Variants in FGF13 observed in about 807,000 individuals in gnomAD.
FGF13 encodes the protein fibroblast growth factor homologous factor 2.
Under a neutral mutation model 19.5 loss-of-function variants are expected in FGF13, and 2 were observed. The ratio of observed to expected loss-of-function variants is 0.10; its 90% CI spans 0.04 to 0.32. The LOEUF is 0.32. Ranked by LOEUF, FGF13 falls within the 10% of genes least tolerant of loss-of-function variation. FGF13 has a pLI of 1.00. For synonymous variants in FGF13, 72 were observed against 76.9 expected (o/e 0.94, Z 0.33); for missense variants, 113 against 192.7 (o/e 0.59, Z 2.45).
At chrX:138,727,346 G>A (rs1019085982) in intron 1 of FGF13, among the ~76,000 whole-genome samples, 6 of 109,982 alleles carry the variant, frequency 5.5e-5, no homozygotes, top group Admixed American at 9.7e-5. Context: ...GGCCCCCCAG[G>A]CACTGGGGAG....
chrX:138,900,898 G>A (rs1258367144), intron 1 of FGF13, among the ~76,000 whole-genome samples: 1 of 111,427 alleles, frequency 9.0e-6, no homozygotes, highest in Non-Finnish European at 1.9e-5. Flanking sequence ...TCTGCCCTTG[G>A]CCTGGATCAC....
Position 138,892,000 on chromosome X carries a change from A to ATGTGTGTG in FGF13, c.-112-27351_-112-27350insCACACACA, listed in dbSNP as rs200883636. Among the ~76,000 whole-genome samples, 127 of 46,946 alleles carry ATGTGTGTG rather than the reference A, an allele frequency of 2.7e-3. 1 individual carries two copies. Among genetic ancestry groups the ATGTGTGTG allele is most frequent in the African/African-American group, 9.2e-3 (126 of 13,675 alleles). The allele number at this position is 46,946 out of a possible 115,157, so 40.8% of individuals were successfully genotyped here. On this transcript the variant is annotated intron_variant, in intron 1 of 2. Coordinates refer to the FGF13 transcript ENST00000421460. ...TCTCTGTCTCTCTCTCTATATATACATATGTGTGTGTGTGTGTGTGTGTGT... is the reference window on the plus strand; with the variant it reads ...TCTCTGTCTCTCTCTCTATATATACATGTGTGTGTATGTGTGTGTGTGTGTGTGTGTGT...
Position 138,652,751 on chromosome X carries a change from G to T in FGF13, c.403-17096C>A, listed in dbSNP as rs183387817. Among the ~76,000 whole-genome samples, 5 of 111,816 alleles carry T rather than the reference G, an allele frequency of 4.5e-5. No individual in the cohort carries two copies. In the East Asian group the frequency reaches 1.1e-3, roughly 25 times the overall value. On this transcript the variant is annotated intron_variant, in intron 3 of 4. Coordinates refer to ENST00000315930, the MANE Select transcript of FGF13 (RefSeq NM_004114.5). Reference sequence around the variant, plus strand: ...ATACTCTTTTGAGCTAAACATGAAAGGCTATTCACAAAAAAGGTAGGGCAA... The same window carrying T: ...ATACTCTTTTGAGCTAAACATGAAATGCTATTCACAAAAAAGGTAGGGCAA...
intron 1 of FGF13, among the ~76,000 whole-genome samples, chrX:139,081,131 G>A (rs1163803651): frequency 4.5e-5 from 5 of 110,139 alleles, no homozygotes; most frequent in Admixed American, 2.9e-4. Flanking sequence ...TGCCCCCCAC[G>A]CCCTGCCAAG....
rs186475308 is a variant in FGF13, at chrX:139,153,078, A to G, written c.-113+50338T>C. On this transcript the variant is annotated intron_variant, in intron 1 of 2. Transcript: ENST00000421460. Reference sequence around the variant, plus strand: ...AGGGATAATCTCTACCCTTGTGATCAGTGAATCCTCAGGGCCTACTTCTGG... The same window carrying G: ...AGGGATAATCTCTACCCTTGTGATCGGTGAATCCTCAGGGCCTACTTCTGG... Among the ~76,000 whole-genome samples, 510 of 111,495 alleles carry G rather than the reference A, an allele frequency of 4.6e-3. 2 individuals are homozygous for G. Among genetic ancestry groups the G allele is most frequent in the Middle Eastern group, 0.028 (6 of 215 alleles).
intron 1 of FGF13, among the ~76,000 whole-genome samples, chrX:139,189,556 A>G (rs2084308415): frequency 8.9e-6 from 1 of 112,067 alleles, no homozygotes; most frequent in African/African-American, 3.2e-5. Context: ...TCTTTATAGC[A>G]ATGCTAAATG....
At chrX:138,920,009 T>C (rs980646666) in intron 1 of FGF13, among the ~76,000 whole-genome samples, 17 of 111,429 alleles carry the variant, frequency 1.5e-4, no homozygotes, top group Non-Finnish European at 2.1e-4. Context: ...TGTGAATTTA[T>C]AGTTATTTCA....
chrX:139,009,617 C>G (rs1229450115), intron 1 of FGF13, among the ~76,000 whole-genome samples: 1 of 111,620 alleles, frequency 9.0e-6, no homozygotes, highest in Non-Finnish European at 1.9e-5. Context: ...TAATTTGCCA[C>G]TACCAAGCCA....
chrX:139,065,544 C>T (rs1172831189), intron 1 of FGF13, among the ~76,000 whole-genome samples: 1 of 104,577 alleles, frequency 9.6e-6, no homozygotes, highest in African/African-American at 3.5e-5. Context: ...ATAAAACAGA[C>T]TTTAAACCAA....
At chrX:139,204,611 C>G (rs1233800932), upstream of FGF13, among the ~76,000 whole-genome samples, 1 of 113,050 alleles carries the variant, frequency 8.8e-6, no homozygotes, top group African/African-American at 3.2e-5. Context: ...CTCTCCCAAT[C>G]CGCTGCGGGC....
At chrX:138,812,706 T>A (rs1401707140) in intron 3 of FGF13, among the ~76,000 whole-genome samples, 2 of 111,913 alleles carry the variant, frequency 1.8e-5, no homozygotes, top group Non-Finnish European at 3.8e-5. Flanking sequence ...TTTTTAAAAA[T>A]TTTTTGGATT....
chrX:138,855,994 T>TGTGTGTGTGTG (rs1569412173), downstream of FGF13, among the ~76,000 whole-genome samples: 63 of 100,825 alleles, frequency 6.2e-4, no homozygotes, highest in African/African-American at 2.3e-3. Context: ...GTGTGTGTGT[T>TGTGTGTGTGTG]TATAATTTTT....
At chrX:138,652,238 T>G (rs1033171170) in intron 3 of FGF13, among the ~76,000 whole-genome samples, 1 of 111,525 alleles carries the variant, frequency 9.0e-6, no homozygotes, top group Non-Finnish European at 1.9e-5. Context: ...AACCTTCCCC[T>G]CTCATCCTTC....
At chrX:139,008,151 G>A (rs1249929729) in intron 1 of FGF13, among the ~76,000 whole-genome samples, 2 of 111,929 alleles carry the variant, frequency 1.8e-5, no homozygotes, top group African/African-American at 6.5e-5. Flanking sequence ...AGGAAGCCCT[G>A]CCCAAAGAGA....
intron 3 of FGF13, among the ~76,000 whole-genome samples, chrX:138,829,140 A>G (rs1258236193): frequency 9.0e-6 from 1 of 111,549 alleles, no homozygotes; most frequent in Non-Finnish European, 1.9e-5. Flanking sequence ...GTTTGGCCCA[A>G]TTTCCTTTCT....
intron 1 of FGF13, among the ~76,000 whole-genome samples, chrX:139,149,914 A>G (rs1420301260): frequency 8.9e-6 from 1 of 112,025 alleles, no homozygotes; most frequent in Non-Finnish European, 1.9e-5. Context: ...GAAGGGCAAA[A>G]CAGATTCTGT....
chrX:138,664,165 G>A (rs1303163059), intron 3 of FGF13, among the ~76,000 whole-genome samples: 1 of 111,503 alleles, frequency 9.0e-6, no homozygotes, highest in Admixed American at 9.6e-5. Context: ...TCTTCCAGCT[G>A]GTGAATTCCC....
chrX:138,817,307 T>A (rs755754994), intron 3 of FGF13, among the ~76,000 whole-genome samples: 173 of 112,074 alleles, frequency 1.5e-3, no homozygotes, highest in African/African-American at 5.4e-3. Context: ...GGAAGGAGGA[T>A]GGACCCTAGT....
intron 1 of FGF13, among the ~76,000 whole-genome samples, chrX:139,069,169 T>A (rs1465579687): frequency 1.0e-5 from 1 of 96,259 alleles, no homozygotes; most frequent in Non-Finnish European, 2.1e-5. Context: ...CACACATATG[T>A]TTATTGCGGC....
Sources: allele counts gnomAD v4.1 joint callset (sites outside exome capture counted in the v4.1 genomes callset), GRCh38; gene constraint gnomAD v4.1.1; transcripts MANE v1.5; gene names NCBI Gene and HGNC (gene_info 2026-07-23, HGNC 2026-07-21).